The following DDX50 variants were observed in gnomAD, a reference collection of about 807,000 sequenced individuals.
The protein encoded by DDX50 is ATP-dependent RNA helicase DDX50.
DDX50 carries 56 observed loss-of-function variants against 94.8 expected under a neutral mutation model. The ratio of observed to expected loss-of-function variants is 0.59; its 90% CI spans 0.48 to 0.74. The LOEUF (loss-of-function observed/expected upper bound fraction) is 0.74. Ranked by LOEUF, DDX50 falls within the 30% of genes least tolerant of loss-of-function variation. The probability of loss-of-function intolerance (pLI) is 0.00; values close to 1 mark genes in which losing one functional copy is unlikely to be tolerated. For missense variants in DDX50, 713 were observed against 881.2 expected, an observed-to-expected ratio of 0.81 and a Z score of 2.42; for synonymous variants, 264 against 295.4, an observed-to-expected ratio of 0.89 and a Z score of 1.09.
chr10:68,916,316 T>C (rs1841789624), intron 7 of DDX50, among the ~76,000 whole-genome samples: 1 of 138,204 alleles, frequency 7.2e-6, no homozygotes, highest in Non-Finnish European at 1.5e-5. Flanking sequence ...ATTGCGCCAC[T>C]GCACTCCAGC....
At chr10:68,920,464 C>G (rs1841911724) in intron 8 of DDX50, among the ~76,000 whole-genome samples, 1 of 152,036 alleles carries the variant, frequency 6.6e-6, no homozygotes, top group Non-Finnish European at 1.5e-5. Flanking sequence ...TCACACCTGA[C>G]CTCTATCAGA....
intron 4 of DDX50, chr10:68,911,593 A>G (rs1841627349): frequency 6.2e-6 from 1 of 162,416 alleles, no homozygotes; most frequent in Non-Finnish European, 1.3e-5. Flanking sequence ...AGAGGTGTTC[A>G]TTTATTTGTC....
At chr10:68,905,814 G>A (rs1841429529) in intron 1 of DDX50, among the ~76,000 whole-genome samples, 1 of 152,204 alleles carries the variant, frequency 6.6e-6, no homozygotes, top group Non-Finnish European at 1.5e-5. Flanking sequence ...TTGGAAGACT[G>A]AGGCAGGAGA....
intron 3 of DDX50, 72 bp downstream of exon 3, chr10:68,910,454 G>A (rs909123024): frequency 1.6e-6 from 2 of 1,280,612 alleles, no homozygotes; most frequent in Admixed American, 2.3e-5. Flanking sequence ...CCAGGCTGGA[G>A]TGCAGTGGGG....
chr10:68,911,200 G>C lies in DDX50; in HGVS notation c.593G>C (p.Arg198Thr). The change falls in exon 4 of 15, where the codon AGA (arginine) becomes ACA (threonine). Residue 198 changes from arginine (R) to threonine (T), a missense_variant. Arg to Thr is a moderately conservative substitution (Grantham distance 71). Around this residue, in one of 2 missense-constraint regions of DDX50, gnomAD observed 285 missense variants for 278.9 expected, o/e 1.02. Transcript: ENST00000373585. ...TFSFAIPLIE[R>T]LQRNQETIKK... ...TCTTTTGCCATCCCCTTAATTGAAA[G>C]ACTCCAAAGAAATCAAGAAACAATT... is the stretch of plus-strand genomic sequence containing the variant. 1 of 1,607,862 alleles carries C rather than the reference G, an allele frequency of 6.2e-7. No homozygotes were observed. Among genetic ancestry groups the C allele is most frequent in the South Asian group, 1.1e-5 (1 of 89,234 alleles).
chr10:68,911,391 G>T (rs1841622995), intron 4 of DDX50, 145 bp downstream of exon 4: 1 of 875,444 alleles, frequency 1.1e-6, no homozygotes, highest in Non-Finnish European at 1.6e-6. Flanking sequence ...TTCACAAAAA[G>T]AAATTTCAAG....
intron 2 of DDX50, among the ~76,000 whole-genome samples, chr10:68,909,726 A>G (rs10998481): frequency 0.27 from 41,193 of 151,912 alleles, 6,589 homozygotes; most frequent in Non-Finnish European, 0.37. Context: ...GCCATGGTGC[A>G]ATCTCGGCTC....
intron 2 of DDX50, among the ~76,000 whole-genome samples, chr10:68,908,604 T>G (rs1023365817): frequency 2.6e-5 from 4 of 151,480 alleles, no homozygotes; most frequent in African/African-American, 9.7e-5. Context: ...TTTTTAAATT[T>G]GTTTCTGTTT....
chr10:68,936,859 C>A, intron 11 of DDX50, 77 bp from the exon 12 acceptor site: 1 of 1,431,362 alleles, frequency 7.0e-7, no homozygotes, highest in Non-Finnish European at 9.4e-7. Context: ...AAAATTACTC[C>A]TTCTTTTTCC....
chr10:68,912,664 G>T (rs1285088076), intron 4 of DDX50, among the ~76,000 whole-genome samples: 1 of 152,194 alleles, frequency 6.6e-6, no homozygotes, highest in African/African-American at 2.4e-5. Flanking sequence ...GCCACTCATG[G>T]GTTTTTATGA....
chr10:68,934,263 G>A lies in DDX50; in HGVS notation c.1304G>A (p.Arg435Lys). The A allele has an allele frequency of 6.2e-7, 1 of 1,613,102 alleles. No individual in the cohort carries two copies. Among genetic ancestry groups the A allele is most frequent in the Non-Finnish European group, 8.5e-7 (1 of 1,179,864 alleles). The change falls in exon 9 of 15, where the codon AGA becomes AAA. Residue 435 changes from arginine to lysine, a missense_variant. Transcript: ENST00000373585. This position sits in a 1 kb window ranked among gnomAD's most constrained non-coding sequence, Gnocchi z 4.0. ...SQREITLKGF[R>K]EGSFKVLVAT... ...AGAGAAATTACACTAAAAGGCTTCA[G>A]AGAAGGTAGTTTTAAAGTTTTGGTG... is the stretch of plus-strand genomic sequence containing the variant.
Position 68,946,696 on chromosome 10 carries a change from C to A in DDX50, c.*66C>A. 6.5e-7 allele frequency: 1 copy of A among 1,539,978 alleles called. No homozygotes were observed. The highest frequency in any genetic ancestry group is 1.4e-5 in the African/African-American group (1 of 73,140). On this transcript the variant is annotated 3_prime_UTR_variant, in exon 15 of 15. Transcript: ENST00000373585. ...CTGCCTAATCATGTACATTATCCAC[C>A]AAAAATTAGGTCATCATAGTTGAGG...
rs757316201 is a variant in DDX50, at chr10:68,946,665, C to T, written c.*35C>T. On this transcript the variant is annotated 3_prime_UTR_variant, in exon 15 of 15. Transcript: ENST00000373585. ...AGTTAATCTACCAGTGTGAGCTTGC[C>T]TATTTCTGCCTAATCATGTACATTA... is the stretch of plus-strand genomic sequence containing the variant. 1 of 1,588,748 alleles carries T rather than the reference C, an allele frequency of 6.3e-7. No individual in the cohort carries two copies. Among genetic ancestry groups the T allele is most frequent in the Admixed American group, 1.7e-5 (1 of 59,018 alleles).
At chr10:68,943,721 C>T (rs138338414) in intron 14 of DDX50, among the ~76,000 whole-genome samples, 6 of 152,072 alleles carry the variant, frequency 3.9e-5, no homozygotes, top group Admixed American at 1.3e-4. Context: ...CGTGAGCCAC[C>T]GCTCCTGGCC....
At chr10:68,936,515 A>ATATAT (rs1230892956) in intron 11 of DDX50, among the ~76,000 whole-genome samples, 1 of 53,142 alleles carries the variant, frequency 1.9e-5, no homozygotes, top group African/African-American at 8.6e-5. Context: ...AAAAAAAAAA[A>ATATAT]ATATATATAT....
At chr10:68,926,939 G>T (rs1409249577) in intron 8 of DDX50, among the ~76,000 whole-genome samples, 2 of 151,880 alleles carry the variant, frequency 1.3e-5, no homozygotes, top group African/African-American at 4.8e-5. Context: ...TTGAGAGAGG[G>T]TCTTACTCCG....
At chr10:68,921,981 G>A (rs756338927) in intron 8 of DDX50, among the ~76,000 whole-genome samples, 1 of 152,036 alleles carries the variant, frequency 6.6e-6, no homozygotes, top group African/African-American at 2.4e-5. Context: ...GGTACGCAGT[G>A]TACACTTTCA....
chr10:68,911,041 G>A lies in DDX50; in HGVS notation c.461-27G>A, dbSNP rs530887427. 39 of 1,412,878 alleles carry A rather than the reference G, an allele frequency of 2.8e-5. No individual in the cohort carries two copies. The South Asian group carries it at 6.5e-4, about 23-fold the overall frequency. 87.5% of individuals were successfully genotyped at this position (1,412,878 alleles called of 1,614,324 possible). On this transcript the variant is annotated intron_variant, in intron 3 of 14. Transcript: ENST00000373585. ...TTTTCCTAATGCTAGTCGTAAAGAA[G>A]TATTTTAATTAAATCTCATTTTACA...
chr10:68,942,755 A>T (rs1411954224), intron 13 of DDX50, among the ~76,000 whole-genome samples: 1 of 152,040 alleles, frequency 6.6e-6, no homozygotes, highest in Non-Finnish European at 1.5e-5. Flanking sequence ...CTGGGACTAC[A>T]GTCATGCATC....
Sources: gnomAD v4.1 joint callset for allele counts (sites outside exome capture counted in the v4.1 genomes callset) on GRCh38, gnomAD v4.1.1 for gene constraint, gnomAD v4.1.1 regional missense constraint, Gnocchi (gnomAD v3.1) non-coding constraint, MANE v1.5 for transcripts, NCBI Gene and HGNC (gene_info 2026-07-23, HGNC 2026-07-21) for gene names.